The following STK38L variants were observed in gnomAD, a reference collection of about 807,000 sequenced individuals.
STK38L encodes serine/threonine-protein kinase 38-like.
In STK38L, 28 loss-of-function variants were observed where a neutral mutation model predicts 59.7. That is an observed-to-expected ratio of 0.47 (90% CI 0.35 to 0.64). The LOEUF (loss-of-function observed/expected upper bound fraction) is 0.64. STK38L is among the 30% of genes least tolerant of loss of function. The probability of loss-of-function intolerance (pLI) is 0.01; values close to 1 mark genes in which losing one functional copy is unlikely to be tolerated. For synonymous variants in STK38L, 162 were observed against 176.8 expected (o/e 0.92, Z 0.66); for missense variants, 314 against 555.8 (o/e 0.56, Z 4.37).
intron 1 of STK38L, among the ~76,000 whole-genome samples, chr12:27,254,000 T>C (rs1342910699): frequency 6.6e-6 from 1 of 152,248 alleles, no homozygotes; most frequent in African/African-American, 2.4e-5. Flanking sequence ...ATAAATTGTC[T>C]CTTGCTTCCA....
At chr12:27,279,516 G>A (rs1257453318) in intron 1 of STK38L, among the ~76,000 whole-genome samples, 2 of 151,948 alleles carry the variant, frequency 1.3e-5, no homozygotes, top group African/African-American at 4.8e-5. Flanking sequence ...CCTGAGGTCA[G>A]GCGTTCAAGA....
chr12:27,252,021 C>G (rs1331921270), intron 1 of STK38L, among the ~76,000 whole-genome samples: 1 of 152,150 alleles, frequency 6.6e-6, no homozygotes, highest in Non-Finnish European at 1.5e-5. Flanking sequence ...GCTGTGTCAC[C>G]CAGGCTGGAG....
At chr12:27,274,987 AT>A (rs1943502659) in intron 1 of STK38L, among the ~76,000 whole-genome samples, 2 of 152,100 alleles carry the variant, frequency 1.3e-5, no homozygotes, top group Admixed American at 6.5e-5. Context: ...TTCCTCAAAC[AT>A]TGCCAGCAAC....
At chr12:27,291,990 A>C (rs1376522925) in intron 1 of STK38L, among the ~76,000 whole-genome samples, 4 of 152,202 alleles carry the variant, frequency 2.6e-5, no homozygotes, top group African/African-American at 9.6e-5. Flanking sequence ...TCCTTTCCCC[A>C]GGCTTGATAA....
At chr12:27,268,904 T>G (rs9738272) in intron 1 of STK38L, among the ~76,000 whole-genome samples, 129,916 of 152,096 alleles carry the variant, frequency 0.85, 55,673 homozygotes, top group Non-Finnish European at 0.89. Context: ...TCTTTTGGCT[T>G]CATAAATGTC....
chr12:27,305,722 A>G (rs1944295012), intron 3 of STK38L, among the ~76,000 whole-genome samples: 1 of 152,218 alleles, frequency 6.6e-6, no homozygotes. Flanking sequence ...GGAATGGAGA[A>G]AGGAAGAAAA....
At chr12:27,258,888 G>C (rs1943145797) in intron 1 of STK38L, among the ~76,000 whole-genome samples, 1 of 152,120 alleles carries the variant, frequency 6.6e-6, no homozygotes, top group African/African-American at 2.4e-5. Context: ...TAAGCCCAGT[G>C]AATATTGCAG....
At chr12:27,268,611 TATA>T (rs1362000476) in intron 1 of STK38L, among the ~76,000 whole-genome samples, 1 of 152,244 alleles carries the variant, frequency 6.6e-6, no homozygotes, top group Non-Finnish European at 1.5e-5. Context: ...CAGCATAATT[TATA>T]ATCCTTTGGG....
rs552845436 is a variant in STK38L, at chr12:27,325,725, T to A, written c.*3270T>A. 2 of 152,186 alleles carry A rather than the reference T, an allele frequency of 1.3e-5. No homozygotes were observed. Among genetic ancestry groups the A allele is most frequent in the Non-Finnish European group, 2.9e-5 (2 of 68,018 alleles). 9.4% of individuals were successfully genotyped at this position (152,186 alleles called of 1,614,324 possible). ...GAGACACTTGGGACTACTAGAGATA[T>A]TTTAGATTTTTATGAAAAAAATGTG... On this transcript the variant is annotated 3_prime_UTR_variant, in exon 14 of 14. Transcript: ENST00000389032.
At chr12:27,289,855 T>C (rs1029188590) in intron 1 of STK38L, among the ~76,000 whole-genome samples, 1 of 152,242 alleles carries the variant, frequency 6.6e-6, no homozygotes, top group African/African-American at 2.4e-5. Context: ...AGAGTTCTTT[T>C]TTTACTTTAA....
rs372851436 is a variant in STK38L, at chr12:27,322,462, A to G, written c.*7A>G. On this transcript the variant is annotated 3_prime_UTR_variant, in exon 14 of 14. Coordinates refer to ENST00000389032, the MANE Select transcript of STK38L (RefSeq NM_015000.4). Reference sequence around the variant, plus strand: ...GAAAGCTGGGAAGTTATGAATGAAGATAACATTCACCCATAACCAAGAGAA... The same window carrying G: ...GAAAGCTGGGAAGTTATGAATGAAGGTAACATTCACCCATAACCAAGAGAA... The G allele has an allele frequency of 4.3e-6, 7 of 1,611,564 alleles. No individual in the cohort carries two copies. The African/African-American group carries it at 6.7e-5, about 15-fold the overall frequency.
intron 1 of STK38L, among the ~76,000 whole-genome samples, chr12:27,254,258 T>C (rs533411327): frequency 1.3e-5 from 2 of 152,214 alleles, no homozygotes; most frequent in African/African-American, 4.8e-5. Flanking sequence ...AAGACTGTAA[T>C]ACCTAATAAT....
chr12:27,247,863 G>A (rs1942889443), intron 1 of STK38L, among the ~76,000 whole-genome samples: 1 of 146,322 alleles, frequency 6.8e-6, no homozygotes, highest in Admixed American at 7.1e-5. Context: ...CTTTTAGGCT[G>A]GAGTGCAGTA....
intron 1 of STK38L, among the ~76,000 whole-genome samples, chr12:27,282,673 CA>C (rs1472454525): frequency 6.6e-6 from 1 of 151,990 alleles, no homozygotes; most frequent in Non-Finnish European, 1.5e-5. Context: ...ATTTTATATG[CA>C]AATGTTCTTT....
chr12:27,319,419 A>G lies in STK38L; in HGVS notation c.1171A>G (p.Ile391Val), dbSNP rs148477448. 2.5e-5 allele frequency: 40 copies of G among 1,612,262 alleles called. No homozygotes were observed. Among genetic ancestry groups the G allele is most frequent in the Non-Finnish European group, 3.0e-5 (35 of 1,178,686 alleles). The change falls in exon 12 of 14, where the codon ATA (isoleucine) becomes GTA (valine). Residue 391 changes from isoleucine to valine, a missense_variant. Transcript: ENST00000389032. ...PFFEGVDWEH[I>V]RERPAAIPIE... is the part of the protein sequence containing the mutation. The stretch of plus-strand genomic sequence containing the variant: ...TTTTGAAGGTGTCGACTGGGAGCAC[A>G]TAAGGTATGTTCCTAGGCTTTGAAT...
chr12:27,322,255 A>C, intron 13 of STK38L, 21 bp downstream of exon 13: 1 of 1,613,508 alleles, frequency 6.2e-7, no homozygotes. Context: ...CTGTAATGTA[A>C]CTAACCCTAT....
chr12:27,276,175 TA>T (rs1565532595), intron 1 of STK38L, among the ~76,000 whole-genome samples: 1 of 152,184 alleles, frequency 6.6e-6, no homozygotes, highest in Non-Finnish European at 1.5e-5. Context: ...ATCACCAACT[TA>T]AACAGTTCTC....
At position 27,319,309 on chromosome 12, in the gene STK38L, C is replaced by G. The variant is rs1408515140; in HGVS notation, c.1080-19C>G. On this transcript the variant is annotated intron_variant, in intron 11 of 13. Transcript: ENST00000389032. Reference sequence around the variant, plus strand: ...AGATGTAACTTGTGTATGATAATTTCTCTGTTTCCATGTTGTAGATTTTGT... The same window carrying G: ...AGATGTAACTTGTGTATGATAATTTGTCTGTTTCCATGTTGTAGATTTTGT... 1.3e-6 allele frequency: 2 copies of G among 1,525,142 alleles called. No individual in the cohort carries two copies. The highest frequency in any genetic ancestry group is 2.3e-5 in the East Asian group (1 of 44,364). The allele number at this position is 1,525,142 out of a possible 1,614,324, so 94.5% of individuals were successfully genotyped here. A position where few individuals can be genotyped will look rare whatever the true frequency, so the allele number is the denominator to read the frequency against.
Position 27,325,275 on chromosome 12 carries a change from T to A in STK38L, c.*2820T>A, listed in dbSNP as rs988732441. 6.6e-6 allele frequency: 1 copy of A among 152,184 alleles called. No homozygotes were observed. Among genetic ancestry groups the A allele is most frequent in the Non-Finnish European group, 1.5e-5 (1 of 68,000 alleles). 9.4% of individuals were successfully genotyped at this position (152,184 alleles called of 1,614,324 possible). ...GAAAATAAGTGTGGAGTATTAAAAA[T>A]GTTCTTTGGTTGGTAAGGCCTAAGA... is the stretch of plus-strand genomic sequence containing the variant. On this transcript the variant is annotated 3_prime_UTR_variant, in exon 14 of 14. Coordinates refer to ENST00000389032, the MANE Select transcript of STK38L (RefSeq NM_015000.4).
Sources: gnomAD v4.1 joint callset for allele counts (sites outside exome capture counted in the v4.1 genomes callset) on GRCh38, gnomAD v4.1.1 for gene constraint, MANE v1.5 for transcripts, NCBI Gene and HGNC (gene_info 2026-07-23, HGNC 2026-07-21) for gene names.